Variants in NAV3 observed in about 807,000 individuals in gnomAD.
NAV3 encodes neuron navigator 3.
Under a neutral mutation model 244.7 loss-of-function variants are expected in NAV3, and 87 were observed. The observed-to-expected ratio is 0.36, with a 90% CI of 0.30 to 0.42. The LOEUF (loss-of-function observed/expected upper bound fraction) is 0.42, where lower values mean the gene tolerates loss of function less well. Ranked by LOEUF, NAV3 falls within the 20% of genes least tolerant of loss-of-function variation. The probability of loss-of-function intolerance (pLI) is 1.00; values close to 1 mark genes in which losing one functional copy is unlikely to be tolerated. For missense variants in NAV3, 2,663 were observed against 2,893.3 expected (o/e 0.92, Z 1.83); for synonymous variants, 1,126 against 1,042.2 (o/e 1.08, Z -1.55).
At chr12:77,797,338 T>C (rs1023419923) in intron 2 of NAV3, among the ~76,000 whole-genome samples, 1 of 152,050 alleles carries the variant, frequency 6.6e-6, no homozygotes, top group Admixed American at 6.6e-5. Flanking sequence ...TAAAATTTAC[T>C]TTCTACATAT....
chr12:77,849,286 A>G (rs566009447), intron 1 of NAV3, among the ~76,000 whole-genome samples: 2 of 152,304 alleles, frequency 1.3e-5, no homozygotes, highest in East Asian at 1.9e-4. Context: ...TTATGATTGT[A>G]TTACTTTGAC....
chr12:77,983,024 C>T (rs986776499), intron 5 of NAV3, among the ~76,000 whole-genome samples: 4 of 152,080 alleles, frequency 2.6e-5, no homozygotes, highest in Admixed American at 1.3e-4. Flanking sequence ...ATGAATTTAT[C>T]GTATCCCTGT....
intron 12 of NAV3, among the ~76,000 whole-genome samples, chr12:78,080,004 A>T (rs1482815714): frequency 6.6e-6 from 1 of 152,180 alleles, no homozygotes; most frequent in Non-Finnish European, 1.5e-5. Flanking sequence ...TAACCACAAA[A>T]ATGTATTTTG....
intron 2 of NAV3, among the ~76,000 whole-genome samples, chr12:77,619,900 C>CAT (rs1236152883): frequency 2.0e-5 from 3 of 151,950 alleles, no homozygotes; most frequent in African/African-American, 4.8e-5. Context: ...CACACACACA[C>CAT]AGACAGTCTT....
At chr12:77,865,563 A>G (rs1346287977) in intron 1 of NAV3, among the ~76,000 whole-genome samples, 1 of 152,084 alleles carries the variant, frequency 6.6e-6, no homozygotes, top group African/African-American at 2.4e-5. Flanking sequence ...TGCAGTAATT[A>G]AAAAATTAAT....
chr12:78,117,732 A>G (rs1333198193), intron 13 of NAV3, among the ~76,000 whole-genome samples: 1 of 151,974 alleles, frequency 6.6e-6, no homozygotes, highest in Non-Finnish European at 1.5e-5. Flanking sequence ...AAAATGAAAA[A>G]TGGACATTAC....
At chr12:78,104,556 G>A (rs1385399917) in intron 12 of NAV3, among the ~76,000 whole-genome samples, 3 of 152,028 alleles carry the variant, frequency 2.0e-5, no homozygotes, top group South Asian at 2.1e-4. Context: ...GTTACTGAAC[G>A]TTAAAAATCT....
rs771104752 is a variant in NAV3, at chr12:77,798,962, TG to T, written c.73-141355del. Reference sequence around the variant, plus strand: ...AAATAGTTCTGTGGCTTGGCTGGGATGGCTTTTCTCTGCTCCATGTATTTTG... The same window carrying T: ...AAATAGTTCTGTGGCTTGGCTGGGATGCTTTTCTCTGCTCCATGTATTTTG... On this transcript the variant is annotated intron_variant, in intron 2 of 8. Coordinates refer to the NAV3 transcript ENST00000550042. 5.9e-5 allele frequency among the ~76,000 whole-genome samples: 9 copies of T among 152,342 alleles called. No homozygotes were observed. In the South Asian group the frequency reaches 1.9e-3, roughly 32 times the overall value.
chr12:78,195,735 C>T lies in NAV3; in HGVS notation c.6292-1512C>T, dbSNP rs144460010. On this transcript the variant is annotated intron_variant, in intron 34 of 39. Transcript: ENST00000397909. ...CCCCACTCAGGCTCCAGTGTTACCT[C>T]CTCCAGAAAACCATTCTTGACACCC... is the stretch of plus-strand genomic sequence containing the variant. Among the ~76,000 whole-genome samples, 426 of 152,128 alleles carry T rather than the reference C, an allele frequency of 2.8e-3. 3 individuals are homozygous for T. Among genetic ancestry groups the T allele is most frequent in the Non-Finnish European group, 5.3e-3 (362 of 67,970 alleles).
intron 1 of NAV3, among the ~76,000 whole-genome samples, chr12:77,924,472 T>G (rs908183981): frequency 6.6e-6 from 1 of 152,042 alleles, no homozygotes; most frequent in Non-Finnish European, 1.5e-5. Context: ...GAAAATGTAA[T>G]AGGTTCTCTC....
chr12:78,127,556 A>G (rs1484046889), intron 17 of NAV3, among the ~76,000 whole-genome samples: 1 of 152,194 alleles, frequency 6.6e-6, no homozygotes, highest in Non-Finnish European at 1.5e-5. Flanking sequence ...AGAATGCAGA[A>G]CTCACTTCAA....
Position 78,177,656 on chromosome 12 carries a change from T to G in NAV3, c.5334T>G (p.Asn1778Lys), listed in dbSNP as rs748690597. ...PLVWPPKKRQ[N>K]GPVIYKHRSR... ...TCTGGCCACCAAAGAAACGACAAAA[T>G]GGCCCTGTGATCTACAAGCATAGAT... Residue 1778 changes from asparagine to lysine, a missense_variant, in exon 28 of 40, where the codon AAT becomes AAG. Asn to Lys is a moderately conservative substitution (Grantham distance 94). Transcript: ENST00000397909. The G allele has an allele frequency of 1.0e-5, 16 of 1,597,238 alleles. No homozygotes were observed. The East Asian group carries it at 3.6e-4, about 36-fold the overall frequency.
upstream of NAV3, among the ~76,000 whole-genome samples, chr12:77,826,360 T>G (rs1023349051): frequency 6.6e-6 from 1 of 151,876 alleles, no homozygotes; most frequent in Non-Finnish European, 1.5e-5. Flanking sequence ...ATACAGATGG[T>G]GCACATCTGT....
At chr12:78,030,793 A>C (rs1335634228) in intron 9 of NAV3, among the ~76,000 whole-genome samples, 1 of 152,232 alleles carries the variant, frequency 6.6e-6, no homozygotes, top group East Asian at 1.9e-4. Context: ...AGTCATGCAG[A>C]ACTTAAAAGA....
At chr12:77,929,534 G>A (rs531490123) in intron 1 of NAV3, among the ~76,000 whole-genome samples, 15 of 152,228 alleles carry the variant, frequency 9.9e-5, no homozygotes, top group East Asian at 5.8e-4. Flanking sequence ...ATTCTACTCC[G>A]TAAATACGGC....
In NAV3 at chr12:78,072,330, A is replaced by G. The variant is rs1426578404; in HGVS notation, c.2636+13215A>G. ...AAAAAGAGAGAAGAATCAAATAGACACAATAAAAAATGATAAAGGGGATAT... is the reference window on the plus strand; with the variant it reads ...AAAAAGAGAGAAGAATCAAATAGACGCAATAAAAAATGATAAAGGGGATAT... On this transcript the variant is annotated intron_variant, in intron 12 of 39. Transcript: ENST00000397909. Among the ~76,000 whole-genome samples the G allele has an allele frequency of 4.8e-3, 652 of 135,878 alleles. 4 individuals carry two copies. Among genetic ancestry groups the G allele is most frequent in the African/African-American group, 0.018 (624 of 35,608 alleles). The allele number at this position is 135,878 out of a possible 152,430, so 89.1% of individuals were successfully genotyped here.
intron 2 of NAV3, among the ~76,000 whole-genome samples, chr12:77,573,572 G>A (rs980871782): frequency 3.9e-5 from 6 of 152,054 alleles, no homozygotes; most frequent in Non-Finnish European, 5.9e-5. Flanking sequence ...TTTTCTTCCC[G>A]CTGGCACTGG....
chr12:77,910,275 G>C (rs367564890), intron 1 of NAV3, among the ~76,000 whole-genome samples: 1 of 152,140 alleles, frequency 6.6e-6, no homozygotes, highest in East Asian at 1.9e-4. Flanking sequence ...AAGGTGAAGG[G>C]GGAGCAGGCA....
intron 2 of NAV3, among the ~76,000 whole-genome samples, chr12:77,600,284 T>C (rs1182236500): frequency 2.0e-5 from 3 of 151,954 alleles, no homozygotes; most frequent in African/African-American, 4.8e-5. Flanking sequence ...CCTTTCTATA[T>C]AGAACCACTG....
Sources: gnomAD v4.1 joint callset for allele counts (sites outside exome capture counted in the v4.1 genomes callset) on GRCh38, gnomAD v4.1.1 for gene constraint, MANE v1.5 for transcripts, NCBI Gene and HGNC (gene_info 2026-07-23, HGNC 2026-07-21) for gene names.